Variants in KIZ observed in about 807,000 individuals in gnomAD.
The protein encoded by KIZ is kizuna centrosomal protein.
A neutral mutation model predicts 79.6 loss-of-function variants in KIZ; 68 were observed. The ratio of observed to expected loss-of-function variants is 0.85; its 90% confidence interval spans 0.70 to 1.05. The LOEUF is 1.05. KIZ is among the 50% of genes least tolerant of loss of function. KIZ has a pLI of 0.00. For synonymous variants in KIZ, 280 were observed against 281.8 expected, an observed-to-expected ratio of 0.99 and a Z score of 0.06; for missense variants, 797 against 800.4, an observed-to-expected ratio of 1.00 and a Z score of 0.05.
Position 21,214,716 on chromosome 20 carries a change from G to A in KIZ, c.1612+16G>A. The A allele has an allele frequency of 6.3e-7, 1 of 1,594,054 alleles. No individual in the cohort carries two copies. Among genetic ancestry groups the A allele is most frequent in the Non-Finnish European group, 8.6e-7 (1 of 1,162,984 alleles). On this transcript the variant is annotated intron_variant, in intron 8 of 12. Coordinates refer to ENST00000619189, the MANE Select transcript of KIZ (RefSeq NM_018474.6). ...AGGGAACAAGGTAACTATTGTTAAA[G>A]TGTGTGTCCACAGCAAAAAGGCATT...
intron 3 of KIZ, among the ~76,000 whole-genome samples, chr20:21,139,916 T>C (rs2032422223): frequency 6.6e-6 from 1 of 152,126 alleles, no homozygotes; most frequent in African/African-American, 2.4e-5. Context: ...AAAGACCAAA[T>C]CATGGCACTA....
At chr20:21,175,678 T>C (rs2034402324) in intron 6 of KIZ, among the ~76,000 whole-genome samples, 1 of 152,136 alleles carries the variant, frequency 6.6e-6, no homozygotes, top group African/African-American at 2.4e-5. Context: ...AGGAAACAAT[T>C]ATACAACTGA....
rs534324688 is a variant in KIZ, at chr20:21,192,758, A to G, written c.1353-12733A>G. ...TTTACCCTTCTTCATAGGGGAGGGG[A>G]GATGGGGAAAGCTGGCAATTTGGGG... On this transcript the variant is annotated intron_variant, in intron 6 of 12. Coordinates refer to ENST00000619189, the MANE Select transcript of KIZ (RefSeq NM_018474.6). 7.2e-5 allele frequency among the ~76,000 whole-genome samples: 11 copies of G among 151,970 alleles called. No homozygotes were observed. The South Asian group carries it at 2.3e-3, about 32-fold the overall frequency.
intron 4 of KIZ, among the ~76,000 whole-genome samples, chr20:21,154,701 T>C (rs1234113137): frequency 6.6e-6 from 1 of 152,252 alleles, no homozygotes; most frequent in African/African-American, 2.4e-5. Context: ...TTCCTAATAT[T>C]ATTCCTGTGT....
chr20:21,163,959 A>G (rs1020668824), intron 6 of KIZ, among the ~76,000 whole-genome samples: 1 of 152,190 alleles, frequency 6.6e-6, no homozygotes, highest in Non-Finnish European at 1.5e-5. Flanking sequence ...TAAACAACCT[A>G]AGGTAGATCT....
intron 9 of KIZ, among the ~76,000 whole-genome samples, chr20:21,223,927 C>G (rs1470705250): frequency 1.3e-5 from 2 of 152,142 alleles, no homozygotes; most frequent in Non-Finnish European, 2.9e-5. Context: ...ATCCACCCAC[C>G]TTAGCCTCCC....
intron 6 of KIZ, among the ~76,000 whole-genome samples, chr20:21,176,951 A>G (rs2034462738): frequency 2.0e-5 from 3 of 152,238 alleles, no homozygotes; most frequent in African/African-American, 4.8e-5. Flanking sequence ...CTTCCTTTTT[A>G]AGGCAGAATA....
chr20:21,230,045 TGGATTAATACA>T lies in KIZ; in HGVS notation c.1783+932_1783+942del, dbSNP rs556105762. ...CCTCAGTTTCCTTTGTGAGAGTAAA[TGGATTAATACA>T]GAAGGAAATCCACATTAATGACTTT... On this transcript the variant is annotated intron_variant, in intron 10 of 12. Transcript: ENST00000619189. Among the ~76,000 whole-genome samples the T allele has an allele frequency of 1.6e-3, 249 of 152,334 alleles. 1 individual carries two copies. The highest frequency in any genetic ancestry group is 5.7e-3 in the African/African-American group (237 of 41,572).
chr20:21,129,749 G>GTA (rs758062741), intron 1 of KIZ, among the ~76,000 whole-genome samples: 186 of 150,316 alleles, frequency 1.2e-3, no homozygotes, highest in African/African-American at 2.9e-3. Context: ...AAAAATGTGT[G>GTA]TATATATATA....
intron 4 of KIZ, among the ~76,000 whole-genome samples, chr20:21,153,822 T>G (rs1333954893): frequency 6.6e-6 from 1 of 152,050 alleles, no homozygotes; most frequent in African/African-American, 2.4e-5. Flanking sequence ...TCTCTTCCTC[T>G]TATAAGGACA....
intron 6 of KIZ, among the ~76,000 whole-genome samples, chr20:21,188,471 CAAT>C (rs1026991667): frequency 6.6e-6 from 1 of 152,050 alleles, no homozygotes; most frequent in Non-Finnish European, 1.5e-5. Flanking sequence ...TCACAGAAAA[CAAT>C]GATCAAATAA....
intron 11 of KIZ, among the ~76,000 whole-genome samples, chr20:21,234,728 T>C (rs2036945987): frequency 7.2e-6 from 1 of 139,846 alleles, no homozygotes; most frequent in Non-Finnish European, 1.5e-5. Flanking sequence ...GTCAGTGAGC[T>C]GATGAGCAAC....
chr20:21,238,350 A>AGT (rs1423366763), intron 11 of KIZ, among the ~76,000 whole-genome samples: 6 of 79,354 alleles, frequency 7.6e-5, no homozygotes, highest in South Asian at 7.1e-4. Context: ...AGAGAGAGAG[A>AGT]GAGTGTGTGT....
At chr20:21,243,504 C>T (rs1293466766) in intron 11 of KIZ, among the ~76,000 whole-genome samples, 1 of 152,088 alleles carries the variant, frequency 6.6e-6, no homozygotes, top group East Asian at 1.9e-4. Flanking sequence ...GGTTTCTCTC[C>T]CAACATCTCC....
intron 11 of KIZ, among the ~76,000 whole-genome samples, chr20:21,242,985 C>T (rs1299839503): frequency 2.0e-5 from 3 of 152,170 alleles, no homozygotes; most frequent in African/African-American, 7.2e-5. Flanking sequence ...CAGCACCTAG[C>T]CCAGTGTCCT....
At chr20:21,149,758 A>G (rs75604144) in intron 4 of KIZ, among the ~76,000 whole-genome samples, 2,988 of 152,314 alleles carry the variant, frequency 0.02, 94 homozygotes, top group African/African-American at 0.067. Flanking sequence ...CTCATCTCCA[A>G]GGAGTAAAGG....
At chr20:21,241,427 G>A (rs755015889) in intron 11 of KIZ, among the ~76,000 whole-genome samples, 7 of 152,210 alleles carry the variant, frequency 4.6e-5, no homozygotes, top group Admixed American at 2.0e-4. Context: ...CACGCACCAC[G>A]CACATTTAGC....
chr20:21,168,876 T>A (rs1005086682), intron 6 of KIZ, among the ~76,000 whole-genome samples: 1 of 152,132 alleles, frequency 6.6e-6, no homozygotes, highest in African/African-American at 2.4e-5. Flanking sequence ...AACTGGCTAG[T>A]CATAGGTAGA....
chr20:21,230,231 T>C (rs1568998016), intron 10 of KIZ, among the ~76,000 whole-genome samples: 1 of 152,182 alleles, frequency 6.6e-6, no homozygotes, highest in African/African-American at 2.4e-5. Context: ...TCCCAGCATT[T>C]TGGGAGGCCA....
Sources: allele counts gnomAD v4.1 joint callset (sites outside exome capture counted in the v4.1 genomes callset), GRCh38; gene constraint gnomAD v4.1.1; transcripts MANE v1.5; gene names NCBI Gene and HGNC (gene_info 2026-07-23, HGNC 2026-07-21).